The following FAM81A variants were observed in gnomAD, a reference collection of about 807,000 sequenced individuals.
FAM81A encodes the protein protein FAM81A.
A neutral mutation model predicts 46.7 loss-of-function variants in FAM81A; 19 were observed. The ratio of observed to expected loss-of-function variants is 0.41; its 90% CI spans 0.28 to 0.60. The LOEUF is 0.60. FAM81A is among the 20% of genes least tolerant of loss of function. The pLI is 0.34. For synonymous variants in FAM81A, 183 were observed against 152.9 expected, an observed-to-expected ratio of 1.20 and a Z score of -1.45; for missense variants, 377 against 453.5, an observed-to-expected ratio of 0.83 and a Z score of 1.53.
At chr15:59,462,053 A>G (rs2081557846) in intron 3 of FAM81A, among the ~76,000 whole-genome samples, 2 of 152,144 alleles carry the variant, frequency 1.3e-5, no homozygotes, top group Non-Finnish European at 2.9e-5. Context: ...AACACAAAAA[A>G]TTAGCTGGGC....
At chr15:59,501,988 T>A (rs2082095718) in intron 4 of FAM81A, among the ~76,000 whole-genome samples, 1 of 152,020 alleles carries the variant, frequency 6.6e-6, no homozygotes, top group Non-Finnish European at 1.5e-5. Context: ...TTCCTTTCCT[T>A]CTTTTATCTT....
At chr15:59,412,252 G>GTTTAGTGT (rs1260728010) in intron 2 of FAM81A, among the ~76,000 whole-genome samples, 5 of 152,200 alleles carry the variant, frequency 3.3e-5, no homozygotes, top group Non-Finnish European at 5.9e-5. Context: ...ATTTGGGGCA[G>GTTTAGTGT]TTTAGTGTTT....
Position 59,514,319 on chromosome 15 carries a change from C to T in FAM81A, c.681C>T (p.Asn227=). 3 of 1,609,956 alleles carry T rather than the reference C, an allele frequency of 1.9e-6. No homozygotes were observed. The South Asian group carries it at 3.3e-5, about 18-fold the overall frequency. ...KFKGTVEELS[N]QILSARSWLQ... is the part of the protein sequence containing the mutation. ...AAGGTACAGTTGAGGAACTCAGTAA[C>T]CAGATATTATCTGCACGGAGTTGGT... Residue 227 remains asparagine, a synonymous_variant, in exon 7 of 9, where the codon AAC becomes AAT. Transcript: ENST00000288228.
chr15:59,410,057 T>C (rs2081113634), intron 2 of FAM81A, among the ~76,000 whole-genome samples: 1 of 152,076 alleles, frequency 6.6e-6, no homozygotes, highest in South Asian at 2.1e-4. Context: ...ATCCCAAAAC[T>C]ATGGGAGGCT....
At chr15:59,506,095 T>C (rs1350845026) in intron 4 of FAM81A, among the ~76,000 whole-genome samples, 1 of 152,144 alleles carries the variant, frequency 6.6e-6, no homozygotes, top group African/African-American at 2.4e-5. Context: ...GGCCTGACTT[T>C]CTCCCTCAGT....
intron 3 of FAM81A, among the ~76,000 whole-genome samples, chr15:59,461,306 T>TTTTGTTTG (rs1173747796): frequency 2.0e-5 from 3 of 152,038 alleles, no homozygotes; most frequent in African/African-American, 4.8e-5. Flanking sequence ...TTTTCTTTCT[T>TTTTGTTTG]TTTGTTTGTT....
Position 59,521,282 on chromosome 15 carries a change from A to C in FAM81A, c.1011A>C (p.Gly337=). 4.3e-6 allele frequency: 7 copies of C among 1,613,778 alleles called. No individual in the cohort carries two copies. The highest frequency in any genetic ancestry group is 5.9e-6 in the Non-Finnish European group (7 of 1,179,792). ...AGFTAVYESI[G]SLRQVLEAKM... is the part of the protein sequence containing the mutation. ...TTACAGCCGTCTATGAAAGCATAGGATCCCTCAGGCAAGTTCTCGAGGCCA... is the reference window on the plus strand; with the variant it reads ...TTACAGCCGTCTATGAAAGCATAGGCTCCCTCAGGCAAGTTCTCGAGGCCA... The change falls in exon 9 of 9, where the codon GGA becomes GGC. Residue 337 remains glycine (G), a synonymous_variant. Transcript: ENST00000288228.
intron 7 of FAM81A, among the ~76,000 whole-genome samples, chr15:59,516,041 GAAGT>G (rs1216234680): frequency 6.6e-6 from 1 of 151,834 alleles, no homozygotes; most frequent in Admixed American, 6.6e-5. Context: ...GACGAAGGAA[GAAGT>G]AAGGAGATAC....
In FAM81A at chr15:59,477,857, C is replaced by T. The variant is rs573616107; in HGVS notation, c.295-14414C>T. On this transcript the variant is annotated intron_variant, in intron 3 of 8. Coordinates refer to ENST00000288228, the MANE Select transcript of FAM81A (RefSeq NM_152450.3). ...AGAATTTATTGTTTTAATACATCTC[C>T]ATCCACAGTGTCTGTTAGCGGTTTG... Among the ~76,000 whole-genome samples, 3 of 152,268 alleles carry T rather than the reference C, an allele frequency of 2.0e-5. No homozygotes were observed. In the South Asian group the frequency reaches 6.2e-4, roughly 32 times the overall value.
chr15:59,440,676 A>G (rs2081288047), intron 1 of FAM81A, among the ~76,000 whole-genome samples: 1 of 152,204 alleles, frequency 6.6e-6, no homozygotes, highest in African/African-American at 2.4e-5. Flanking sequence ...CTTAGCTGAT[A>G]CTACCCACAT....
At chr15:59,491,965 CA>C (rs1227558723) in intron 3 of FAM81A, among the ~76,000 whole-genome samples, 16 of 128,008 alleles carry the variant, frequency 1.2e-4, no homozygotes, top group African/African-American at 2.4e-4. Flanking sequence ...GACTCCATCT[CA>C]AAAAAAAAAG....
In FAM81A at chr15:59,460,393, A is replaced by G. The variant is rs756673771; in HGVS notation, c.294+187A>G. 3.8e-6 allele frequency: 3 copies of G among 781,154 alleles called. No homozygotes were observed. The Admixed American group carries it at 5.9e-5, about 15-fold the overall frequency. The allele number at this position is 781,154 out of a possible 1,614,324, so 48.4% of individuals were successfully genotyped here. ...GAAATATCCTAATTAAATTTATTCC[A>G]GTGTTTGATAACAGTTACTGTTAGT... On this transcript the variant is annotated intron_variant, in intron 3 of 8. Coordinates refer to ENST00000288228, the MANE Select transcript of FAM81A (RefSeq NM_152450.3). This position sits in a 1 kb window ranked among gnomAD's most constrained non-coding sequence, Gnocchi z 4.4.
At chr15:59,430,240 A>G (rs1324408842) in intron 2 of FAM81A, among the ~76,000 whole-genome samples, 2 of 142,058 alleles carry the variant, frequency 1.4e-5, no homozygotes, top group African/African-American at 5.2e-5. Flanking sequence ...CACCAAATAC[A>G]CAGACCTATT....
At chr15:59,405,133 A>C (rs1349833850) in intron 2 of FAM81A, among the ~76,000 whole-genome samples, 1 of 152,228 alleles carries the variant, frequency 6.6e-6, no homozygotes. Flanking sequence ...CACTCAGTCT[A>C]AGCCATCTCG....
At chr15:59,471,288 TG>T (rs1404198929) in intron 3 of FAM81A, among the ~76,000 whole-genome samples, 1 of 152,244 alleles carries the variant, frequency 6.6e-6, no homozygotes, top group Non-Finnish European at 1.5e-5. Flanking sequence ...TTCCTGTATT[TG>T]GGCACTGTTG....
intron 6 of FAM81A, 57 bp from the exon 7 acceptor site, chr15:59,514,228 TAAAA>T: frequency 6.9e-7 from 1 of 1,451,980 alleles, no homozygotes; most frequent in South Asian, 1.4e-5. Context: ...CCCTGGAACT[TAAAA>T]TAAAAAAAAT....
In FAM81A at chr15:59,432,239, A is replaced by G. The variant is rs146660499; in HGVS notation, c.-77-26311A>G. On this transcript the variant is annotated intron_variant, in intron 2 of 4. Transcript: ENST00000558348. ...AAACATGTTTGGCTCTGTGTATTTT[A>G]AACTAACAATTATTTGATTGGATTT... Among the ~76,000 whole-genome samples the G allele has an allele frequency of 2.9e-4, 44 of 152,358 alleles. No homozygotes were observed. In the East Asian group the frequency reaches 7.3e-3, roughly 25 times the overall value.
chr15:59,477,597 C>T lies in FAM81A; in HGVS notation c.295-14674C>T, dbSNP rs534979415. 5.9e-5 allele frequency among the ~76,000 whole-genome samples: 9 copies of T among 152,236 alleles called. No homozygotes were observed. In the East Asian group the frequency reaches 1.5e-3, roughly 26 times the overall value. On this transcript the variant is annotated intron_variant, in intron 3 of 8. Transcript: ENST00000288228. The stretch of plus-strand genomic sequence containing the variant: ...GTAAAATATGTTTTCAAACCATTAC[C>T]CTATGTGATCCTCAAGAGCTAGAAC...
intron 1 of FAM81A, among the ~76,000 whole-genome samples, chr15:59,442,452 T>C (rs1374132245): frequency 1.3e-5 from 2 of 151,210 alleles, no homozygotes; most frequent in Non-Finnish European, 3.0e-5. Flanking sequence ...CCATCTCTAC[T>C]AAAAAAATAC....
Sources: allele counts gnomAD v4.1 joint callset (sites outside exome capture counted in the v4.1 genomes callset), GRCh38; gene constraint gnomAD v4.1.1; non-coding constraint Gnocchi (gnomAD v3.1); transcripts MANE v1.5; gene names NCBI Gene and HGNC (gene_info 2026-07-23, HGNC 2026-07-21).